The following PHF2 variants were observed in gnomAD, a reference collection of about 807,000 sequenced individuals.
PHF2 encodes the protein PHD finger protein 2.
Under a neutral mutation model 120.5 loss-of-function variants are expected in PHF2, and 27 were observed. The ratio of observed to expected loss-of-function variants is 0.22; its 90% confidence interval spans 0.17 to 0.31. The LOEUF (loss-of-function observed/expected upper bound fraction) is 0.31. Ranked by LOEUF, PHF2 falls within the 10% of genes least tolerant of loss-of-function variation. The probability of loss-of-function intolerance (pLI) is 1.00; values close to 1 mark genes in which losing one functional copy is unlikely to be tolerated. For missense variants in PHF2, 1,024 were observed against 1,434.8 expected, an observed-to-expected ratio of 0.71 and a Z score of 4.63; for synonymous variants, 568 against 592.5, an observed-to-expected ratio of 0.96 and a Z score of 0.60.
rs149797300 is a variant in PHF2, at chr9:93,592,178, C to T, written c.98+15307C>T. Among the ~76,000 whole-genome samples the T allele has an allele frequency of 3.3e-5, 5 of 152,310 alleles. No individual in the cohort carries two copies. The East Asian group carries it at 9.7e-4, about 29-fold the overall frequency. On this transcript the variant is annotated intron_variant, in intron 1 of 21. Transcript: ENST00000359246. ...TGCACCTCCCAGGAGCCCTTTTTCACTGGGGCCACACTTCTGTTCCTGGCC... is the reference window on the plus strand; with the variant it reads ...TGCACCTCCCAGGAGCCCTTTTTCATTGGGGCCACACTTCTGTTCCTGGCC...
At chr9:93,627,525 T>C (rs540161660) in intron 1 of PHF2, among the ~76,000 whole-genome samples, 1 of 147,156 alleles carries the variant, frequency 6.8e-6, no homozygotes, top group African/African-American at 2.5e-5. Context: ...TTGCTCTGGC[T>C]AGAACTTCCA....
chr9:93,676,951 A>T lies in PHF2; in HGVS notation c.3190A>T (p.Thr1064Ser). 2 of 1,552,472 alleles carry T rather than the reference A, an allele frequency of 1.3e-6. No individual in the cohort carries two copies. The highest frequency in any genetic ancestry group is 1.2e-5 in the South Asian group (1 of 83,386). ...CTCCGCATCGTCTCCAAACAACAACACCGCTGCCAAAGGTACTGTGCCTGC... is the reference window on the plus strand; with the variant it reads ...CTCCGCATCGTCTCCAAACAACAACTCCGCTGCCAAAGGTACTGTGCCTGC... Reference protein sequence around the residue: ...RPSASSPNNNTAAKGKRTKKG... With the variant: ...RPSASSPNNNSAAKGKRTKKG... Residue 1064 changes from threonine (T) to serine (S), a missense_variant, in exon 21 of 22, where the codon ACC (threonine) becomes TCC (serine). Physicochemically the swap from Thr to Ser is moderately conservative, Grantham distance 58 (BLOSUM62 1). Transcript: ENST00000359246.
intron 2 of PHF2, 53 bp downstream of exon 2, chr9:93,630,108 C>T (rs902154785): frequency 1.3e-6 from 2 of 1,541,226 alleles, no homozygotes; most frequent in South Asian, 1.1e-5. Flanking sequence ...CAGCATCCAC[C>T]CTGCCTGGGC....
At position 93,665,873 on chromosome 9, in the gene PHF2, G is replaced by A; in HGVS notation, c.2116+9G>A. ...GAAAAGGGACTTGTCCTGTGAGTTG[G>A]GAGGGGGTGTTGGGGGAGGGGTGTG... On this transcript the variant is annotated intron_variant, in intron 15 of 21. Transcript: ENST00000359246. 1 of 1,613,152 alleles carries A rather than the reference G, an allele frequency of 6.2e-7. No individual in the cohort carries two copies. Among genetic ancestry groups the A allele is most frequent in the South Asian group, 1.1e-5 (1 of 91,076 alleles).
At chr9:93,612,245 G>A (rs1342047959) in intron 1 of PHF2, among the ~76,000 whole-genome samples, 1 of 152,216 alleles carries the variant, frequency 6.6e-6, no homozygotes, top group African/African-American at 2.4e-5. Flanking sequence ...CATGATCCAC[G>A]TATCTATGGG....
intron 1 of PHF2, among the ~76,000 whole-genome samples, chr9:93,596,232 C>T (rs1424792226): frequency 6.6e-6 from 1 of 152,084 alleles, no homozygotes; most frequent in Non-Finnish European, 1.5e-5. Context: ...TTGGGACCCC[C>T]TGTGCCCACG....
At chr9:93,599,931 T>G (rs10739952) in intron 1 of PHF2, among the ~76,000 whole-genome samples, 124,987 of 152,108 alleles carry the variant, frequency 0.82, 51,861 homozygotes, top group East Asian at 0.94. Context: ...CAGTGAAGAC[T>G]TTGAGGCCAA....
At chr9:93,674,064 G>A (rs1305103381) in intron 18 of PHF2, among the ~76,000 whole-genome samples, 1 of 152,184 alleles carries the variant, frequency 6.6e-6, no homozygotes, top group Admixed American at 6.5e-5. Context: ...GACAGGCTTG[G>A]GCTTCGTGGT....
chr9:93,639,049 A>G (rs1269532802), intron 3 of PHF2, among the ~76,000 whole-genome samples: 1 of 152,066 alleles, frequency 6.6e-6, no homozygotes, highest in Non-Finnish European at 1.5e-5. Context: ...GTTTGTTTTG[A>G]TCATTCTAGG....
chr9:93,652,617 A>G (rs746410203), intron 5 of PHF2, among the ~76,000 whole-genome samples: 1 of 152,120 alleles, frequency 6.6e-6, no homozygotes, highest in Non-Finnish European at 1.5e-5. Flanking sequence ...ATGAAATTTA[A>G]CACGTTTTAT....
intron 1 of PHF2, among the ~76,000 whole-genome samples, chr9:93,626,921 C>A (rs1240502527): frequency 6.6e-6 from 1 of 152,192 alleles, no homozygotes; most frequent in Non-Finnish European, 1.5e-5. Flanking sequence ...GGTTTTAGTT[C>A]TATTCCATTG....
chr9:93,633,003 G>A (rs1049257410), intron 2 of PHF2, among the ~76,000 whole-genome samples: 1 of 152,138 alleles, frequency 6.6e-6, no homozygotes, highest in Non-Finnish European at 1.5e-5. Flanking sequence ...AGGCACACTG[G>A]GGATAAGAGG....
At position 93,675,000 on chromosome 9, in the gene PHF2, C is replaced by T. The variant is rs1564405096; in HGVS notation, c.2700C>T (p.Asp900=). ...GGTCGAAGAAAAGGAAAGGCTCAGA[C>T]GACGCTCCCTACAGCCCAACAGGTA... ...KSRSKKRKGS[D]DAPYSPTARV... The change falls in exon 19 of 22, where the codon GAC becomes GAT. Residue 900 remains aspartate, a synonymous_variant. Coordinates refer to ENST00000359246, the MANE Select transcript of PHF2 (RefSeq NM_005392.4). The T allele has an allele frequency of 5.0e-6, 8 of 1,613,718 alleles. No homozygotes were observed. The highest frequency in any genetic ancestry group is 5.9e-6 in the Non-Finnish European group (7 of 1,179,910).
intron 1 of PHF2, among the ~76,000 whole-genome samples, chr9:93,592,703 C>T (rs1206594960): frequency 6.6e-6 from 1 of 152,148 alleles, no homozygotes; most frequent in African/African-American, 2.4e-5. Context: ...ATGTCTGCCA[C>T]CTGCAGTTCA....
At chr9:93,597,146 G>C (rs1328172892) in intron 1 of PHF2, among the ~76,000 whole-genome samples, 2 of 152,016 alleles carry the variant, frequency 1.3e-5, no homozygotes, top group African/African-American at 4.8e-5. Flanking sequence ...AGCCAGGATG[G>C]TCTCGATCTC....
At chr9:93,610,619 T>C (rs192442212) in intron 1 of PHF2, among the ~76,000 whole-genome samples, 1 of 151,368 alleles carries the variant, frequency 6.6e-6, no homozygotes, top group African/African-American at 2.4e-5. Flanking sequence ...GTGTAGGTTG[T>C]TTTTTGTTTT....
chr9:93,643,688 A>G lies in PHF2; in HGVS notation c.300-1941A>G, dbSNP rs549540244. ...GCTTTTCTGGGGACTCAGCTCCACA[A>G]CTTCTTTAGCTCTTCTGAGCTTGTG... On this transcript the variant is annotated intron_variant, in intron 3 of 21. Transcript: ENST00000359246. Among the ~76,000 whole-genome samples the G allele has an allele frequency of 1.3e-4, 20 of 152,104 alleles. 1 individual carries two copies. Among genetic ancestry groups the G allele is most frequent in the Non-Finnish European group, 2.9e-4 (20 of 68,016 alleles).
At chr9:93,584,626 A>G (rs1017027116) in intron 1 of PHF2, among the ~76,000 whole-genome samples, 1 of 152,184 alleles carries the variant, frequency 6.6e-6, no homozygotes, top group Non-Finnish European at 1.5e-5. Context: ...CCAGTACCAC[A>G]CTGCTTTGAT....
intron 6 of PHF2, among the ~76,000 whole-genome samples, 158 bp downstream of exon 6, chr9:93,653,523 C>G (rs1183358912): frequency 6.6e-6 from 1 of 152,206 alleles, no homozygotes; most frequent in Non-Finnish European, 1.5e-5. Context: ...GGAGACATCT[C>G]TGGGTGGAGG....
Sources: allele counts gnomAD v4.1 joint callset (sites outside exome capture counted in the v4.1 genomes callset), GRCh38; gene constraint gnomAD v4.1.1; transcripts MANE v1.5; gene names NCBI Gene and HGNC (gene_info 2026-07-23, HGNC 2026-07-21).